The following TBCE variants were observed in gnomAD, a reference collection of about 807,000 sequenced individuals.
TBCE encodes the protein tubulin folding cofactor E, also known as tubulin-specific chaperone E.
TBCE carries 53 observed loss-of-function variants against 77.0 expected under a neutral mutation model. The observed-to-expected ratio is 0.69, with a 90% CI of 0.55 to 0.87. TBCE has a LOEUF of 0.87. Ranked by LOEUF, TBCE falls within the 40% of genes least tolerant of loss-of-function variation. The pLI is 0.00. For synonymous variants in TBCE, 235 were observed against 241.3 expected (o/e 0.97, Z 0.24); for missense variants, 624 against 622.4 (o/e 1.00, Z -0.03).
intron 3 of TBCE, among the ~76,000 whole-genome samples, chr1:235,412,920 C>T (rs1013506601): frequency 6.6e-6 from 1 of 152,166 alleles, no homozygotes; most frequent in Non-Finnish European, 1.5e-5. Flanking sequence ...TCTCCTGCCT[C>T]AGCCTCCCCA....
chr1:235,375,344 T>C (rs1175867206), intron 1 of TBCE, among the ~76,000 whole-genome samples: 1 of 152,130 alleles, frequency 6.6e-6, no homozygotes, highest in Non-Finnish European at 1.5e-5. Flanking sequence ...AACCAAGCCT[T>C]AGTCAGCACC....
intron 5 of TBCE, chr1:235,423,700 C>G (rs553644954): frequency 6.6e-6 from 1 of 152,528 alleles, no homozygotes; most frequent in African/African-American, 2.4e-5. Flanking sequence ...TTTGCCCGGT[C>G]TGGAATTTTC....
intron 1 of TBCE, among the ~76,000 whole-genome samples, chr1:235,370,550 A>C (rs1401432787): frequency 2.3e-5 from 3 of 129,688 alleles, no homozygotes; most frequent in Admixed American, 7.8e-5. Flanking sequence ...TGCACCCGGC[A>C]TTTTTTTTTT....
rs202244855 is a variant in TBCE at position 235,448,657 on chromosome 1, G to C, written c.1492-13G>C. On this transcript the variant is annotated splice_polypyrimidine_tract_variant and intron_variant, in intron 16 of 16. Transcript: ENST00000642610. ...CTTAATCACATCCTTCCCCACCTTC[G>C]TTCTAATTTTAGAAGCCGGGCAGAG... 4 of 1,608,744 alleles carry C rather than the reference G, an allele frequency of 2.5e-6. No individual in the cohort carries two copies. In the African/African-American group the frequency reaches 4.0e-5, roughly 16 times the overall value.
chr1:235,392,825 G>A (rs1407972180), intron 2 of TBCE, among the ~76,000 whole-genome samples: 1 of 151,978 alleles, frequency 6.6e-6, no homozygotes, highest in African/African-American at 2.4e-5. Context: ...TTAAGATGGG[G>A]TAGTCACATG....
chr1:235,393,782 AATAGATAT>A (rs1678553874), intron 2 of TBCE, among the ~76,000 whole-genome samples: 1 of 152,148 alleles, frequency 6.6e-6, no homozygotes, highest in African/African-American at 2.4e-5. Flanking sequence ...CTACAGAGCA[AATAGATAT>A]ATATGTATTT....
chr1:235,385,139 C>T (rs1331187173), intron 2 of TBCE, among the ~76,000 whole-genome samples: 1 of 152,150 alleles, frequency 6.6e-6, no homozygotes, highest in Non-Finnish European at 1.5e-5. Flanking sequence ...GAGTGAGTTT[C>T]TTAATCCTGA....
At position 235,430,702 on chromosome 1, in the gene TBCE, C is replaced by T. The variant is rs767115129; in HGVS notation, c.561-3C>T. The T allele has an allele frequency of 8.7e-6, 14 of 1,604,664 alleles. No individual in the cohort carries two copies. The highest frequency in any genetic ancestry group is 1.2e-5 in the Non-Finnish European group (14 of 1,172,954). ...GTACATTGTATCTTTTTTTTCTACA[C>T]AGTGAAAATAAACTAAAATTTCCCT... On this transcript the variant is annotated splice_region_variant and splice_polypyrimidine_tract_variant and intron_variant, in intron 6 of 16. Transcript: ENST00000642610.
intron 2 of TBCE, among the ~76,000 whole-genome samples, chr1:235,400,687 A>G (rs1679047577): frequency 6.8e-6 from 1 of 147,498 alleles, no homozygotes; most frequent in Non-Finnish European, 1.5e-5. Context: ...GGCGTGAGCC[A>G]CTGTGCCCAG....
Position 235,382,983 on chromosome 1 carries a change from A to G in TBCE, c.100+2834A>G, listed in dbSNP as rs200087113. Among the ~76,000 whole-genome samples, 6 of 145,182 alleles carry G rather than the reference A, an allele frequency of 4.1e-5. No individual in the cohort carries two copies. The South Asian group carries it at 1.1e-3, about 27-fold the overall frequency. On this transcript the variant is annotated intron_variant, in intron 2 of 16. Transcript: ENST00000642610. ...TTAAGTCTTTAATCCATCTTGAATT[A>G]ATTTTTGTATAAGGTGTAAGGAAGG...
At position 235,428,705 on chromosome 1, in the gene TBCE, G is replaced by A. The variant is rs531190550; in HGVS notation, c.560+1466G>A. On this transcript the variant is annotated intron_variant, in intron 6 of 16. Coordinates refer to ENST00000642610, the MANE Select transcript of TBCE (RefSeq NM_003193.5). ...TGTCGCCAGGCTGGAGTGCAGTGGC[G>A]TGATCTTGGCTCACTGCAACCTCTG... Among the ~76,000 whole-genome samples the A allele has an allele frequency of 2.6e-5, 4 of 151,324 alleles. 1 individual carries two copies. The East Asian group carries it at 7.8e-4, about 30-fold the overall frequency.
intron 2 of TBCE, among the ~76,000 whole-genome samples, chr1:235,390,788 A>G (rs1157797112): frequency 6.6e-6 from 1 of 150,876 alleles, no homozygotes; most frequent in Non-Finnish European, 1.5e-5. Flanking sequence ...AGTAGAAGCT[A>G]GAGGCAGAAG....
At chr1:235,404,391 C>T (rs1216709211) in intron 3 of TBCE, among the ~76,000 whole-genome samples, 2 of 151,508 alleles carry the variant, frequency 1.3e-5, no homozygotes, top group East Asian at 3.9e-4. Flanking sequence ...GTTTCAAGAC[C>T]AGCCTAGGCA....
At chr1:235,416,743 T>C (rs903126642) in intron 4 of TBCE, among the ~76,000 whole-genome samples, 13 of 152,338 alleles carry the variant, frequency 8.5e-5, no homozygotes, top group Non-Finnish European at 1.9e-4. Flanking sequence ...AGCTAGTGTC[T>C]TTCTTGATTG....
chr1:235,450,598 C>T lies in TBCE; in HGVS notation c.*1836C>T. ...GAAGAGTTAGTCAACAAATGCCATT[C>T]CGTAATGAACGATTTTAGAAACCAC... On this transcript the variant is annotated 3_prime_UTR_variant, in exon 17 of 17. Coordinates refer to ENST00000642610, the MANE Select transcript of TBCE (RefSeq NM_003193.5). 1 of 416,800 alleles carries T rather than the reference C, an allele frequency of 2.4e-6. No individual in the cohort carries two copies. The highest frequency in any genetic ancestry group is 4.4e-5 in the East Asian group (1 of 22,830). The allele number at this position is 416,800 out of a possible 1,614,324, so 25.8% of individuals were successfully genotyped here. A position where few individuals can be genotyped will look rare whatever the true frequency, so the allele number is the denominator to read the frequency against.
intron 13 of TBCE, among the ~76,000 whole-genome samples, chr1:235,439,481 A>AGTG (rs1270552655): frequency 6.6e-6 from 1 of 151,366 alleles, no homozygotes; most frequent in Non-Finnish European, 1.5e-5. Flanking sequence ...GGGCGACAGA[A>AGTG]CGAGACTCCG....
chr1:235,414,638 G>T lies in TBCE; in HGVS notation c.371+20G>T. The T allele has an allele frequency of 6.2e-7, 1 of 1,611,582 alleles. No homozygotes were observed. On this transcript the variant is annotated intron_variant, in intron 4 of 16. Transcript: ENST00000642610. ...GCAAAGGTAAGTGGAGTTTATAACG[G>T]CAGAGCTGACTTTTATGGTTTTATT... is the stretch of plus-strand genomic sequence containing the variant.
At chr1:235,398,679 C>T (rs1177028837) in intron 2 of TBCE, among the ~76,000 whole-genome samples, 3 of 145,852 alleles carry the variant, frequency 2.1e-5, no homozygotes, top group Non-Finnish European at 4.5e-5. Flanking sequence ...AGTGCAGTAG[C>T]ACTATCTGCA....
At chr1:235,376,456 A>AG (rs1677303531) in intron 1 of TBCE, among the ~76,000 whole-genome samples, 2 of 152,134 alleles carry the variant, frequency 1.3e-5, no homozygotes, top group African/African-American at 4.8e-5. Flanking sequence ...GGATTTAGAT[A>AG]ATCCCTATAC....
Sources: allele counts gnomAD v4.1 joint callset (sites outside exome capture counted in the v4.1 genomes callset), GRCh38; gene constraint gnomAD v4.1.1; transcripts MANE v1.5; gene names NCBI Gene and HGNC (gene_info 2026-07-23, HGNC 2026-07-21).